The following GPD2 variants were observed in gnomAD, a reference collection of about 807,000 sequenced individuals.
GPD2 encodes glycerol-3-phosphate dehydrogenase 2.
GPD2 carries 54 observed loss-of-function variants against 82.4 expected under a neutral mutation model. That is an observed-to-expected ratio of 0.66 (90% CI 0.53 to 0.82). GPD2 has a LOEUF of 0.82. GPD2 is among the 40% of genes least tolerant of loss of function. The probability of loss-of-function intolerance (pLI) is 0.00; values close to 1 mark genes in which losing one functional copy is unlikely to be tolerated. For missense variants in GPD2, 748 were observed against 896.2 expected (o/e 0.83, Z 2.11); for synonymous variants, 288 against 306.1 (o/e 0.94, Z 0.62).
At chr2:156,512,753 A>G (rs959830536) in intron 5 of GPD2, among the ~76,000 whole-genome samples, 1 of 152,328 alleles carries the variant, frequency 6.6e-6, no homozygotes, top group East Asian at 1.9e-4. Context: ...CAAGGCTGAA[A>G]TTTGGTTAGG....
Position 156,532,502 on chromosome 2 carries a change from C to T in GPD2, c.662-17106C>T, listed in dbSNP as rs1685906268. ...GGAGGTACTTTTTCCTTGTTACCTG[C>T]ACTTTTTGAACAATAGGTTTCAGAC... On this transcript the variant is annotated intron_variant, in intron 6 of 16. Transcript: ENST00000438166. Among the ~76,000 whole-genome samples, 4 of 152,306 alleles carry T rather than the reference C, an allele frequency of 2.6e-5. No homozygotes were observed. In the South Asian group the frequency reaches 8.3e-4, roughly 32 times the overall value.
chr2:156,497,902 G>A (rs1391228672), intron 3 of GPD2, among the ~76,000 whole-genome samples: 2 of 152,170 alleles, frequency 1.3e-5, no homozygotes, highest in Non-Finnish European at 2.9e-5. Flanking sequence ...AGAACAGTTT[G>A]AGAATAGTTT....
chr2:156,548,036 G>T (rs545575152), intron 6 of GPD2, among the ~76,000 whole-genome samples: 25 of 152,308 alleles, frequency 1.6e-4, no homozygotes, highest in African/African-American at 6.0e-4. Flanking sequence ...CCTTTGTGGG[G>T]CAGGGTGTTT....
At chr2:156,577,977 T>C (rs1247237162) in intron 13 of GPD2, among the ~76,000 whole-genome samples, 1 of 152,146 alleles carries the variant, frequency 6.6e-6, no homozygotes, top group African/African-American at 2.4e-5. Context: ...GTAAGTCACA[T>C]GGCCAACTCA....
At chr2:156,421,103 T>G in the GPD2 span, among the ~76,000 whole-genome samples, 5 of 152,182 alleles carry the variant, frequency 3.3e-5, no homozygotes, top group African/African-American at 7.2e-5. Context: ...AGATTCTACA[T>G]TTCAAGTAAG....
the GPD2 span, among the ~76,000 whole-genome samples, chr2:156,430,267 C>G: frequency 1.3e-5 from 2 of 151,950 alleles, no homozygotes; most frequent in African/African-American, 4.8e-5. Flanking sequence ...TGGCCATCTG[C>G]TAGGTGTGGT....
intron 1 of GPD2, among the ~76,000 whole-genome samples, chr2:156,438,031 A>G (rs1682013298): frequency 3.3e-5 from 5 of 152,196 alleles, no homozygotes; most frequent in Admixed American, 2.6e-4. Flanking sequence ...TCTGTCTTGC[A>G]TACTTTCAAA....
chr2:156,544,275 G>A (rs891505374), intron 6 of GPD2, among the ~76,000 whole-genome samples: 1 of 152,106 alleles, frequency 6.6e-6, no homozygotes, highest in Admixed American at 6.5e-5. Flanking sequence ...AGGCTAACCT[G>A]GGCATGTCCT....
intron 1 of GPD2, among the ~76,000 whole-genome samples, chr2:156,445,547 G>A (rs1008863177): frequency 1.3e-5 from 2 of 152,184 alleles, no homozygotes; most frequent in African/African-American, 4.8e-5. Flanking sequence ...GATTTGACTT[G>A]TAGGAATCCA....
At chr2:156,567,855 G>T (rs895532987) in intron 9 of GPD2, among the ~76,000 whole-genome samples, 6 of 152,106 alleles carry the variant, frequency 3.9e-5, no homozygotes, top group Non-Finnish European at 7.4e-5. Context: ...TAATTCTAAT[G>T]AAAACTTAAT....
chr2:156,544,830 A>T (rs1010107165), intron 6 of GPD2, among the ~76,000 whole-genome samples: 2 of 152,130 alleles, frequency 1.3e-5, no homozygotes, highest in African/African-American at 4.8e-5. Flanking sequence ...AAAAGTTGCA[A>T]CTCAGTCATT....
intron 9 of GPD2, among the ~76,000 whole-genome samples, chr2:156,561,030 T>C (rs1371564728): frequency 6.8e-6 from 1 of 146,776 alleles, no homozygotes; most frequent in East Asian, 2.0e-4. Context: ...TGAGGCCCAG[T>C]GACATTAAGC....
chr2:156,456,319 T>A (rs1682786155), intron 1 of GPD2, among the ~76,000 whole-genome samples: 1 of 152,160 alleles, frequency 6.6e-6, no homozygotes, highest in Admixed American at 6.6e-5. Context: ...GTTGGTCTTC[T>A]TGGGCCAGGC....
intron 6 of GPD2, among the ~76,000 whole-genome samples, chr2:156,548,474 T>G (rs1431912557): frequency 6.6e-6 from 1 of 152,180 alleles, no homozygotes; most frequent in Non-Finnish European, 1.5e-5. Context: ...GCCGATTATA[T>G]TAGTTCAGTG....
At chr2:156,560,773 C>T (rs1687137616) in intron 9 of GPD2, among the ~76,000 whole-genome samples, 1 of 152,192 alleles carries the variant, frequency 6.6e-6, no homozygotes, top group African/African-American at 2.4e-5. Flanking sequence ...CCACTATTCT[C>T]TTCTAGGCTG....
chr2:156,500,950 C>A (rs1303141376), intron 3 of GPD2, among the ~76,000 whole-genome samples: 2 of 152,184 alleles, frequency 1.3e-5, no homozygotes, highest in African/African-American at 4.8e-5. Flanking sequence ...CGTTCTAGGA[C>A]AGAAGCATGT....
chr2:156,488,806 G>A (rs1288845161), intron 2 of GPD2, among the ~76,000 whole-genome samples: 2 of 151,980 alleles, frequency 1.3e-5, no homozygotes, highest in Non-Finnish European at 2.9e-5. Context: ...TCAGAATGCT[G>A]AAGGAATTTT....
In GPD2 at chr2:156,493,926, A is replaced by ATGTG. The variant is rs542950582; in HGVS notation, c.103-2088_103-2085dup. Among the ~76,000 whole-genome samples the ATGTG allele has an allele frequency of 2.6e-3, 361 of 136,308 alleles. 1 individual carries two copies. Among genetic ancestry groups the ATGTG allele is most frequent in the Middle Eastern group, 7.7e-3 (2 of 260 alleles). The allele number at this position is 136,308 out of a possible 152,430, so 89.4% of individuals were successfully genotyped here. On this transcript the variant is annotated intron_variant, in intron 2 of 16. Coordinates refer to ENST00000438166, the MANE Select transcript of GPD2 (RefSeq NM_000408.5). ...TTCTATGTACTTGTTATATATATGT[A>ATGTG]TGTGTGTGTGTGTGTGTGTGTGTGT...
chr2:156,499,212 C>A (rs1439388261), intron 3 of GPD2, among the ~76,000 whole-genome samples: 1 of 151,932 alleles, frequency 6.6e-6, no homozygotes, highest in Non-Finnish European at 1.5e-5. Context: ...ATAGGGGTTT[C>A]TTTGCTGTTA....
Sources: allele counts gnomAD v4.1 joint callset (sites outside exome capture counted in the v4.1 genomes callset), GRCh38; gene constraint gnomAD v4.1.1; transcripts MANE v1.5; gene names NCBI Gene and HGNC (gene_info 2026-07-23, HGNC 2026-07-21).